The following PLA2G4A variants were observed in gnomAD, a reference collection of about 807,000 sequenced individuals.
The protein encoded by PLA2G4A is phospholipase A2 group IVA.
A neutral mutation model predicts 81.9 loss-of-function variants in PLA2G4A; 40 were observed. That is an observed-to-expected ratio of 0.49 (90% CI 0.38 to 0.64). PLA2G4A has a LOEUF of 0.64. PLA2G4A is among the 30% of genes least tolerant of loss of function. PLA2G4A has a pLI of 0.00. For synonymous variants in PLA2G4A, 302 were observed against 296.9 expected (o/e 1.02, Z -0.18); for missense variants, 715 against 905.1 (o/e 0.79, Z 2.69).
chr1:186,932,694 T>G, intron 7 of PLA2G4A, 69 bp from the exon 8 acceptor site: 18 of 1,445,206 alleles, frequency 1.2e-5, no homozygotes, highest in Non-Finnish European at 1.7e-5. Context: ...ACATAAAGAT[T>G]GAGACTAAAG....
At chr1:186,946,532 ATGAAT>A (rs1656352430) in intron 10 of PLA2G4A, 100 bp from the exon 11 acceptor site, 3 of 837,294 alleles carry the variant, frequency 3.6e-6, no homozygotes, top group Non-Finnish European at 6.1e-6. Flanking sequence ...TTTTAAATAC[ATGAAT>A]GAGAATAAGC....
chr1:186,931,657 G>A (rs1056925430), intron 7 of PLA2G4A, among the ~76,000 whole-genome samples: 9 of 151,470 alleles, frequency 5.9e-5, no homozygotes, highest in Admixed American at 2.0e-4. Context: ...TATATCTTAT[G>A]ACTATACAAT....
chr1:186,949,151 A>G (rs1346360957), intron 12 of PLA2G4A, among the ~76,000 whole-genome samples: 1 of 152,156 alleles, frequency 6.6e-6, no homozygotes, highest in Non-Finnish European at 1.5e-5. Flanking sequence ...GAAAATATGT[A>G]AATTCAGAAT....
intron 14 of PLA2G4A, among the ~76,000 whole-genome samples, chr1:186,958,411 AAT>A (rs1471215968): frequency 2.0e-5 from 3 of 152,166 alleles, no homozygotes; most frequent in African/African-American, 4.8e-5. Context: ...ATACCAATTA[AAT>A]ATGTCTCTTC....
intron 1 of PLA2G4A, among the ~76,000 whole-genome samples, chr1:186,844,044 C>T (rs1652081355): frequency 6.6e-6 from 1 of 152,128 alleles, no homozygotes; most frequent in Admixed American, 6.5e-5. Context: ...CATATGGCAC[C>T]ACCTGTTACT....
rs148141099 is a variant in PLA2G4A at position 186,934,440 on chromosome 1, G to GCACACACACA, written c.695+1545_695+1546insCACACACACA. Among the ~76,000 whole-genome samples, 30 of 70,990 alleles carry GCACACACACA rather than the reference G, an allele frequency of 4.2e-4. 2 individuals carry two copies. Among genetic ancestry groups the GCACACACACA allele is most frequent in the East Asian group, 2.0e-3 (6 of 2,952 alleles). 46.6% of individuals were successfully genotyped at this position (70,990 alleles called of 152,430 possible). On this transcript the variant is annotated intron_variant, in intron 8 of 17. Coordinates refer to ENST00000367466, the MANE Select transcript of PLA2G4A (RefSeq NM_024420.3). ...ATGTAATTAAAAGGATTTTAAATGT[G>GCACACACACA]CACATATATATATATATATATATAC...
intron 12 of PLA2G4A, among the ~76,000 whole-genome samples, chr1:186,948,488 C>G (rs1020903209): frequency 1.3e-5 from 2 of 150,830 alleles, no homozygotes; most frequent in South Asian, 2.1e-4. Context: ...AATAACAAAC[C>G]CTTTCTCTAA....
At chr1:186,976,131 C>T (rs1222355416) in intron 15 of PLA2G4A, among the ~76,000 whole-genome samples, 2 of 152,154 alleles carry the variant, frequency 1.3e-5, no homozygotes, top group South Asian at 4.1e-4. Flanking sequence ...TGCTATCTCT[C>T]GCCCAACAGG....
chr1:186,831,848 G>T (rs931586764), intron 1 of PLA2G4A, among the ~76,000 whole-genome samples: 2 of 152,072 alleles, frequency 1.3e-5, no homozygotes, highest in African/African-American at 4.8e-5. Flanking sequence ...TATATGTCTA[G>T]ATATGTTTCT....
rs184183486 is a variant in PLA2G4A at position 186,865,964 on chromosome 1, G to T, written c.34-4471G>T. Among the ~76,000 whole-genome samples, 390 of 152,186 alleles carry T rather than the reference G, an allele frequency of 2.6e-3. 4 individuals are homozygous for T. Among genetic ancestry groups the T allele is most frequent in the African/African-American group, 8.9e-3 (370 of 41,496 alleles). ...CACTCAAAGTAATCCAAAACCTGAA[G>T]GCAAAGCTTAATCTTTGTGACTAAG... On this transcript the variant is annotated intron_variant, in intron 2 of 17. Coordinates refer to ENST00000367466, the MANE Select transcript of PLA2G4A (RefSeq NM_024420.3).
chr1:186,867,260 G>T (rs1653066567), intron 2 of PLA2G4A, among the ~76,000 whole-genome samples: 1 of 151,688 alleles, frequency 6.6e-6, no homozygotes, highest in Non-Finnish European at 1.5e-5. Flanking sequence ...ATTTTTATTG[G>T]GTCTTTGTTG....
At chr1:186,967,965 A>G (rs1657191818) in intron 15 of PLA2G4A, among the ~76,000 whole-genome samples, 1 of 152,132 alleles carries the variant, frequency 6.6e-6, no homozygotes, top group Non-Finnish European at 1.5e-5. Flanking sequence ...AGAGACATGT[A>G]TTGTAATCCA....
intron 1 of PLA2G4A, among the ~76,000 whole-genome samples, chr1:186,830,409 A>T (rs1225316513): frequency 6.6e-6 from 1 of 151,860 alleles, no homozygotes; most frequent in Non-Finnish European, 1.5e-5. Flanking sequence ...GGAGTTCGAG[A>T]CCAGCCTGGC....
intron 2 of PLA2G4A, among the ~76,000 whole-genome samples, chr1:186,856,871 T>C (rs1652571447): frequency 6.6e-6 from 1 of 150,704 alleles, no homozygotes. Context: ...TTGGAAAAAA[T>C]AAGCATATGT....
At chr1:186,927,334 T>C (rs754641029) in intron 7 of PLA2G4A, among the ~76,000 whole-genome samples, 2 of 152,216 alleles carry the variant, frequency 1.3e-5, no homozygotes, top group Non-Finnish European at 2.9e-5. Context: ...GAGCAAGATA[T>C]ATGACTTTGT....
rs545736022 is a variant in PLA2G4A at position 186,956,782 on chromosome 1, G to A, written c.1579+438G>A. ...TCCTACCTTAGCCTCCCAAAGTGCT[G>A]GGACTGCAGGTGTGAGTCACCGTAC... is the stretch of plus-strand genomic sequence containing the variant. On this transcript the variant is annotated intron_variant, in intron 14 of 17. Coordinates refer to ENST00000367466, the MANE Select transcript of PLA2G4A (RefSeq NM_024420.3). 5.9e-5 allele frequency among the ~76,000 whole-genome samples: 9 copies of A among 152,224 alleles called. No individual in the cohort carries two copies. The East Asian group carries it at 9.7e-4, about 16-fold the overall frequency.
intron 15 of PLA2G4A, among the ~76,000 whole-genome samples, chr1:186,968,950 C>A (rs989867041): frequency 1.9e-4 from 29 of 151,596 alleles, no homozygotes; most frequent in Admixed American, 1.7e-3. Context: ...CACATTTATG[C>A]TTCAGTTTTC....
At chr1:186,850,263 G>A (rs946109677) in intron 1 of PLA2G4A, among the ~76,000 whole-genome samples, 3 of 152,034 alleles carry the variant, frequency 2.0e-5, no homozygotes, top group Non-Finnish European at 2.9e-5. Flanking sequence ...AGGTTTCTTC[G>A]TTTTGGTTTG....
At chr1:186,926,283 A>C (rs1655543634) in intron 7 of PLA2G4A, among the ~76,000 whole-genome samples, 1 of 152,232 alleles carries the variant, frequency 6.6e-6, no homozygotes. Context: ...ACTTTTCTGC[A>C]ACAGATGGGG....
Sources: allele counts gnomAD v4.1 joint callset (sites outside exome capture counted in the v4.1 genomes callset), GRCh38; gene constraint gnomAD v4.1.1; transcripts MANE v1.5; gene names NCBI Gene and HGNC (gene_info 2026-07-23, HGNC 2026-07-21).